Variants in NAF1 observed in about 807,000 individuals in gnomAD.
NAF1 encodes the protein nuclear assembly factor 1 ribonucleoprotein, also known as H/ACA ribonucleoprotein complex non-core subunit NAF1.
NAF1 carries 11 observed loss-of-function variants against 40.6 expected under a neutral mutation model. The ratio of observed to expected loss-of-function variants is 0.27; its 90% CI spans 0.17 to 0.45. The LOEUF is 0.45. Ranked by LOEUF, NAF1 falls within the 20% of genes least tolerant of loss-of-function variation. The probability of loss-of-function intolerance (pLI) is 1.00; values close to 1 mark genes in which losing one functional copy is unlikely to be tolerated. For missense variants in NAF1, 607 were observed against 611.1 expected, an observed-to-expected ratio of 0.99 and a Z score of 0.07; for synonymous variants, 260 against 228.5, an observed-to-expected ratio of 1.14 and a Z score of -1.24.
At chr4:163,130,101 A>C (rs1730812491) in intron 7 of NAF1, among the ~76,000 whole-genome samples, 1 of 152,208 alleles carries the variant, frequency 6.6e-6, no homozygotes, top group African/African-American at 2.4e-5. Context: ...CATTTTTAAA[A>C]AGACAAAGAA....
intron 3 of NAF1, 106 bp downstream of exon 3, chr4:163,148,230 ATAAAG>A (rs2110974973): frequency 3.7e-6 from 2 of 540,146 alleles, no homozygotes; most frequent in Non-Finnish European, 6.4e-6. Flanking sequence ...TGACTATAAA[ATAAAG>A]TGTTAATTAC....
Position 163,166,670 on chromosome 4 carries a change from C to A in NAF1, c.58G>T (p.Asp20Tyr). The A allele has an allele frequency of 6.2e-7, 1 of 1,613,728 alleles. No individual in the cohort carries two copies. The highest frequency in any genetic ancestry group is 1.1e-5 in the South Asian group (1 of 91,038). The change falls in exon 1 of 8, where the codon GAC becomes TAC. Residue 20 changes from aspartate (D) to tyrosine (Y), a missense_variant. Physicochemically the swap from Asp to Tyr is radical, Grantham distance 160. This residue lies in a region of NAF1 where 407 missense variants were observed against 365.5 expected (regional missense o/e 1.11). Transcript: ENST00000274054. ...GCCGGACCTTCCCCAACTCCAAAGT[C>A]GGTGCCATTGAATTTCAGAGTTTCC... ...QLETLKFNGT[D>Y]FGVGEGPAAP...
At chr4:163,148,495 TA>T in intron 2 of NAF1, 61 bp from the exon 3 acceptor site, 1 of 1,187,806 alleles carries the variant, frequency 8.4e-7, no homozygotes, top group Non-Finnish European at 1.2e-6. Context: ...TTAAAAAAAA[TA>T]AATTTTCCAT....
At chr4:163,104,901 A>G in the NAF1 span, among the ~76,000 whole-genome samples, 1 of 152,310 alleles carries the variant, frequency 6.6e-6, no homozygotes, top group South Asian at 2.1e-4. Flanking sequence ...ATAACTCAAC[A>G]ATTTGCTCAG....
intron 4 of NAF1, among the ~76,000 whole-genome samples, chr4:163,144,897 A>C (rs1400204788): frequency 6.6e-6 from 1 of 152,202 alleles, no homozygotes; most frequent in Non-Finnish European, 1.5e-5. Context: ...TTTTCAGATT[A>C]AAATTGTCTA....
chr4:163,103,936 A>G, the NAF1 span, among the ~76,000 whole-genome samples: 5 of 152,188 alleles, frequency 3.3e-5, no homozygotes, highest in Non-Finnish European at 2.9e-5. Flanking sequence ...ATGTGTGAGC[A>G]ATAAAGCTGT....
At chr4:163,159,264 A>G (rs530188123) in intron 2 of NAF1, among the ~76,000 whole-genome samples, 62 of 152,252 alleles carry the variant, frequency 4.1e-4, no homozygotes, top group Non-Finnish European at 7.8e-4. Context: ...AACCCTGAGT[A>G]TTAATTATTT....
At chr4:163,138,242 T>C (rs950456587) in intron 5 of NAF1, among the ~76,000 whole-genome samples, 1 of 152,228 alleles carries the variant, frequency 6.6e-6, no homozygotes. Flanking sequence ...AACTTTGACA[T>C]TATATATGAG....
chr4:163,140,585 C>T (rs755635693), intron 4 of NAF1, among the ~76,000 whole-genome samples: 1 of 152,170 alleles, frequency 6.6e-6, no homozygotes, highest in Non-Finnish European at 1.5e-5. Context: ...TGCACTCGCT[C>T]ATTCCAGATT....
At chr4:163,124,917 G>T (rs751765180), downstream of NAF1, among the ~76,000 whole-genome samples, 1 of 152,102 alleles carries the variant, frequency 6.6e-6, no homozygotes, top group Non-Finnish European at 1.5e-5. Context: ...TTTCCCAACA[G>T]CATATGCTCA....
At position 163,166,506 on chromosome 4, in the gene NAF1, G is replaced by A. The variant is rs1253574102; in HGVS notation, c.222C>T (p.Val74=). 2 of 1,598,950 alleles carry A rather than the reference G, an allele frequency of 1.3e-6. No individual in the cohort carries two copies. The highest frequency in any genetic ancestry group is 1.7e-4 in the Middle Eastern group (1 of 5,978). Residue 74 remains valine, a synonymous_variant, in exon 1 of 8, where the codon GTC becomes GTT. Transcript: ENST00000274054. ...EQPLQPVLNA[V]AAGTPAPQPQ... is the part of the protein sequence containing the mutation. ...GCTGCGGCGCCGGGGTCCCGGCCGC[G>A]ACGGCGTTCAGAACGGGCTGCAGAG... is the stretch of plus-strand genomic sequence containing the variant.
At chr4:163,157,553 C>T (rs1468240035) in intron 2 of NAF1, 1 of 151,812 alleles carries the variant, frequency 6.6e-6, no homozygotes, top group Non-Finnish European at 1.5e-5. Flanking sequence ...AAAGACAACA[C>T]ATTAATACAG....
intron 2 of NAF1, 35 bp downstream of exon 2, chr4:163,164,182 C>A: frequency 6.8e-7 from 1 of 1,469,484 alleles, no homozygotes; most frequent in Non-Finnish European, 9.0e-7. Context: ...CGTTTTAAAA[C>A]ATGCAAACTA....
In NAF1 at chr4:163,166,536, C is replaced by A; in HGVS notation, c.192G>T (p.Glu64Asp). The change falls in exon 1 of 8, where the codon GAG (glutamate) becomes GAT (aspartate). Residue 64 changes from glutamate to aspartate, a missense_variant. Coordinates refer to ENST00000274054, the MANE Select transcript of NAF1 (RefSeq NM_138386.3). ...CGTTCAGAACGGGCTGCAGAGGCTG[C>A]TCCCCGGCAGGCTTAACCTCCACGG... ...GQTVEVKPAG[E>D]QPLQPVLNAV... is the part of the protein sequence containing the mutation. 1 of 1,568,702 alleles carries A rather than the reference C, an allele frequency of 6.4e-7. No homozygotes were observed. The highest frequency in any genetic ancestry group is 8.6e-7 in the Non-Finnish European group (1 of 1,160,188).
At position 163,160,347 on chromosome 4, in the gene NAF1, AAAAAAC is replaced by A. The variant is rs552504569; in HGVS notation, c.540+3864_540+3869del. 5.8e-4 allele frequency among the ~76,000 whole-genome samples: 89 copies of A among 152,260 alleles called. No individual in the cohort carries two copies. The Middle Eastern group carries it at 0.01, about 17-fold the overall frequency. On this transcript the variant is annotated intron_variant, in intron 2 of 7. Coordinates refer to ENST00000274054, the MANE Select transcript of NAF1 (RefSeq NM_138386.3). ...TTCCCCCTTAACGTACCCTCACATTAAAAAACAAAAACAAAAACAAAAACAAAAAAC... is the reference window on the plus strand; with the variant it reads ...TTCCCCCTTAACGTACCCTCACATTAAAAAACAAAAACAAAAACAAAAAAC...
At chr4:163,124,182 C>A (rs1331942200), downstream of NAF1, among the ~76,000 whole-genome samples, 1 of 152,144 alleles carries the variant, frequency 6.6e-6, no homozygotes, top group South Asian at 2.1e-4. Context: ...ATAGCAAGAC[C>A]CTGTCTCTAA....
At chr4:163,150,295 G>A (rs1433900166) in intron 2 of NAF1, among the ~76,000 whole-genome samples, 2 of 152,018 alleles carry the variant, frequency 1.3e-5, no homozygotes, top group Non-Finnish European at 2.9e-5. Context: ...AAAAATTCAA[G>A]CAGTTATGGA....
At chr4:163,162,613 T>C (rs1287896614) in intron 2 of NAF1, among the ~76,000 whole-genome samples, 3 of 152,238 alleles carry the variant, frequency 2.0e-5, no homozygotes, top group African/African-American at 4.8e-5. Context: ...GTCTCCACTT[T>C]ATTTACTGTC....
intron 2 of NAF1, chr4:163,158,350 G>A (rs1023278375): frequency 3.9e-5 from 6 of 152,108 alleles, no homozygotes; most frequent in African/African-American, 1.4e-4. Context: ...ATTGGAAAAA[G>A]AATGGATTAG....
Sources: gnomAD v4.1 joint callset for allele counts (sites outside exome capture counted in the v4.1 genomes callset) on GRCh38, gnomAD v4.1.1 for gene constraint, gnomAD v4.1.1 regional missense constraint, MANE v1.5 for transcripts, NCBI Gene and HGNC (gene_info 2026-07-23, HGNC 2026-07-21) for gene names.